Variants in TFEC observed in about 807,000 individuals in gnomAD.
TFEC encodes transcription factor EC.
Under a neutral mutation model 41.6 loss-of-function variants are expected in TFEC, and 31 were observed. That is an observed-to-expected ratio of 0.74 (90% confidence interval 0.56 to 1.01). The LOEUF is 1.01. Ranked by LOEUF, TFEC falls within the 50% of genes least tolerant of loss-of-function variation. The probability of loss-of-function intolerance (pLI) is 0.00; values close to 1 mark genes in which losing one functional copy is unlikely to be tolerated. For missense variants in TFEC, 402 were observed against 404.1 expected (o/e 0.99, Z 0.04); for synonymous variants, 143 against 140.6 (o/e 1.02, Z -0.12).
intron 1 of TFEC, among the ~76,000 whole-genome samples, chr7:116,003,270 A>G (rs2130783379): frequency 6.6e-6 from 1 of 152,096 alleles, no homozygotes; most frequent in Non-Finnish European, 1.5e-5. Context: ...AAATTAAATA[A>G]TTAAAAGTAA....
At chr7:116,139,920 G>A (rs950007097) in intron 1 of TFEC, among the ~76,000 whole-genome samples, 7 of 152,094 alleles carry the variant, frequency 4.6e-5, no homozygotes, top group Non-Finnish European at 4.4e-5. Context: ...GACAGAAATG[G>A]GCATAACCCC....
At chr7:116,159,349 G>A (rs59637506) in intron 1 of TFEC, among the ~76,000 whole-genome samples, 35,105 of 151,520 alleles carry the variant, frequency 0.23, 4,535 homozygotes, top group African/African-American at 0.35. Flanking sequence ...ATGATTAATC[G>A]ATGCTAGATT....
intron 3 of TFEC, among the ~76,000 whole-genome samples, chr7:116,053,925 T>A (rs1296324678): frequency 2.0e-5 from 3 of 152,092 alleles, no homozygotes; most frequent in African/African-American, 7.3e-5. Context: ...ATTCTAAGTA[T>A]CTTATATAAA....
At chr7:115,995,344 T>TA (rs930208720) in intron 1 of TFEC, among the ~76,000 whole-genome samples, 43 of 151,340 alleles carry the variant, frequency 2.8e-4, no homozygotes, top group Non-Finnish European at 5.3e-4. Context: ...TAAAGTATAT[T>TA]AAAAAAAACA....
chr7:115,950,134 C>T (rs1051172380), intron 6 of TFEC, among the ~76,000 whole-genome samples: 3 of 151,754 alleles, frequency 2.0e-5, no homozygotes, highest in Admixed American at 2.0e-4. Flanking sequence ...ACCTCAGCCT[C>T]CTGAGTAGCT....
chr7:116,022,507 C>A (rs992457201), intron 1 of TFEC, among the ~76,000 whole-genome samples: 1 of 152,030 alleles, frequency 6.6e-6, no homozygotes, highest in Non-Finnish European at 1.5e-5. Flanking sequence ...TGTCAAGTAG[C>A]CTTATCTTTA....
intron 1 of TFEC, among the ~76,000 whole-genome samples, chr7:116,115,144 T>C (rs1302737370): frequency 8.6e-5 from 13 of 151,980 alleles, no homozygotes; most frequent in Admixed American, 7.2e-4. Flanking sequence ...ATATATTGAC[T>C]AGGAACACGG....
intron 1 of TFEC, among the ~76,000 whole-genome samples, chr7:115,985,302 T>C (rs936218333): frequency 9.2e-5 from 14 of 152,180 alleles, no homozygotes; most frequent in Admixed American, 9.2e-4. Context: ...TCATAGTTAA[T>C]ATTGTACTAT....
chr7:116,045,678 C>A (rs1217064617), intron 3 of TFEC, among the ~76,000 whole-genome samples: 2 of 152,246 alleles, frequency 1.3e-5, no homozygotes, highest in African/African-American at 4.8e-5. Context: ...GTTTGAGCCC[C>A]CACACAGAGT....
At chr7:116,059,908 A>G (rs1237783627) in intron 3 of TFEC, among the ~76,000 whole-genome samples, 1 of 152,072 alleles carries the variant, frequency 6.6e-6, no homozygotes, top group Non-Finnish European at 1.5e-5. Flanking sequence ...TAAAATCAGA[A>G]ATGACAAAAA....
At chr7:115,970,654 T>C (rs1304889275) in intron 3 of TFEC, among the ~76,000 whole-genome samples, 1 of 152,000 alleles carries the variant, frequency 6.6e-6, no homozygotes, top group Non-Finnish European at 1.5e-5. Flanking sequence ...AAAAGTCCTT[T>C]GGAAGGGATC....
At chr7:116,044,648 T>C (rs1796120066) in intron 3 of TFEC, among the ~76,000 whole-genome samples, 1 of 152,240 alleles carries the variant, frequency 6.6e-6, no homozygotes, top group African/African-American at 2.4e-5. Context: ...GGTTAGGTAA[T>C]AAAGTGAATC....
chr7:115,984,158 A>T, intron 2 of TFEC, 104 bp downstream of exon 2: 1 of 1,387,394 alleles, frequency 7.2e-7, no homozygotes, highest in Non-Finnish European at 9.8e-7. Context: ...CTTTTGTTAC[A>T]TTTGCAATCA....
chr7:116,148,105 G>A (rs530030922), intron 1 of TFEC, among the ~76,000 whole-genome samples: 2 of 152,284 alleles, frequency 1.3e-5, no homozygotes, highest in South Asian at 2.1e-4. Flanking sequence ...AACTTAGTTA[G>A]GGGTTTCTTG....
intron 1 of TFEC, among the ~76,000 whole-genome samples, chr7:115,988,335 G>C (rs1793950551): frequency 6.6e-6 from 1 of 151,966 alleles, no homozygotes; most frequent in African/African-American, 2.4e-5. Flanking sequence ...CATCATGCAA[G>C]AGCAGATGGG....
chr7:116,132,378 A>C (rs1043150106), intron 1 of TFEC, among the ~76,000 whole-genome samples: 1 of 152,222 alleles, frequency 6.6e-6, no homozygotes, highest in Admixed American at 6.5e-5. Flanking sequence ...TTGGCTATTC[A>C]GGTCTACAGT....
chr7:116,004,009 A>G (rs771217234), intron 1 of TFEC, among the ~76,000 whole-genome samples: 20 of 152,130 alleles, frequency 1.3e-4, no homozygotes, highest in Non-Finnish European at 2.1e-4. Flanking sequence ...AATTAATGGC[A>G]TTTTATGTAC....
intron 5 of TFEC, among the ~76,000 whole-genome samples, chr7:115,952,107 C>A (rs905990912): frequency 3.5e-4 from 54 of 152,132 alleles, no homozygotes; most frequent in African/African-American, 1.1e-3. Context: ...CAAAGACTAT[C>A]AATTGCCTTG....
intron 3 of TFEC, among the ~76,000 whole-genome samples, chr7:115,959,862 T>C (rs560293251): frequency 1.6e-4 from 25 of 151,570 alleles, no homozygotes; most frequent in Admixed American, 1.3e-3. Flanking sequence ...ATACAGGGAA[T>C]AGAATTATTA....
Sources: gnomAD v4.1 joint callset for allele counts (sites outside exome capture counted in the v4.1 genomes callset) on GRCh38, gnomAD v4.1.1 for gene constraint, MANE v1.5 for transcripts, NCBI Gene and HGNC (gene_info 2026-07-23, HGNC 2026-07-21) for gene names.